The following TCP11L2 variants were observed in gnomAD, a reference collection of about 807,000 sequenced individuals.
TCP11L2 encodes the protein T-complex protein 11-like protein 2.
Under a neutral mutation model 50.7 loss-of-function variants are expected in TCP11L2, and 39 were observed. That is an observed-to-expected ratio of 0.77 (90% CI 0.60 to 1.01). The LOEUF (loss-of-function observed/expected upper bound fraction) is 1.01. Among genes scored for constraint, TCP11L2 ranks in the 50% least tolerant of loss-of-function variants. The pLI is 0.00. For synonymous variants in TCP11L2, 192 were observed against 219.3 expected (o/e 0.88, Z 1.10); for missense variants, 612 against 614.7 (o/e 1.00, Z 0.05).
chr12:106,344,574 T>G (rs982558659), intron 9 of TCP11L2, among the ~76,000 whole-genome samples: 1 of 152,218 alleles, frequency 6.6e-6, no homozygotes, highest in Non-Finnish European at 1.5e-5. Flanking sequence ...GAAAGAATTC[T>G]AAGACATAGA....
chr12:106,304,267 AG>A (rs574489896), intron 1 of TCP11L2: 1 of 152,294 alleles, frequency 6.6e-6, no homozygotes, highest in Non-Finnish European at 1.5e-5. Flanking sequence ...GTGTGGGAGG[AG>A]TGCTTTCAAA....
rs754284476 is a variant in TCP11L2 at position 106,314,486 on chromosome 12, GA to G, written c.290del (p.Lys97ArgfsTer7). On this transcript the variant is annotated frameshift_variant, in exon 3 of 10. Coordinates refer to ENST00000299045, the MANE Select transcript of TCP11L2 (RefSeq NM_152772.3). LOFTEE classifies it high-confidence loss of function. ...NFQLKQEALP[E>X]KSLAGRVKHI... ...TCAATTGAAACAAGAGGCTCTCCCA[GA>G]AAAGAGGTAACCTGGGGGCATTTGT... 1 of 1,604,388 alleles carries G rather than the reference GA, an allele frequency of 6.2e-7. No individual in the cohort carries two copies. Among genetic ancestry groups the G allele is most frequent in the Non-Finnish European group, 8.5e-7 (1 of 1,174,298 alleles).
At chr12:106,340,250 C>A (rs1167856910) in intron 8 of TCP11L2, among the ~76,000 whole-genome samples, 1 of 152,136 alleles carries the variant, frequency 6.6e-6, no homozygotes, top group African/African-American at 2.4e-5. Flanking sequence ...CTTTAATTAC[C>A]TTTACAACTT....
At chr12:106,311,382 G>A (rs892366849) in intron 2 of TCP11L2, 150 bp downstream of exon 2, 5 of 865,658 alleles carry the variant, frequency 5.8e-6, no homozygotes, top group Middle Eastern at 7.1e-4. Context: ...GCAGCTTTCC[G>A]GGACACATTC....
intron 5 of TCP11L2, 83 bp downstream of exon 5, chr12:106,321,789 A>G: frequency 8.9e-7 from 1 of 1,124,054 alleles, no homozygotes; most frequent in Non-Finnish European, 1.3e-6. Flanking sequence ...AACACAGAAT[A>G]ACAACTAGTA....
intron 1 of TCP11L2, chr12:106,303,913 T>C (rs988365839): frequency 1.3e-5 from 2 of 152,260 alleles, no homozygotes; most frequent in African/African-American, 4.8e-5. Context: ...GTTGTCCTGC[T>C]ACCTTAACTG....
chr12:106,325,214 C>T (rs1476514032), intron 6 of TCP11L2: 2 of 152,194 alleles, frequency 1.3e-5, no homozygotes, highest in East Asian at 3.8e-4. Flanking sequence ...TATAGGAGCT[C>T]ACCTAGGAAG....
In TCP11L2 at chr12:106,346,430, A is replaced by G. The variant is rs760091110; in HGVS notation, c.1460A>G (p.Asn487Ser). The change falls in exon 10 of 10, where the codon AAC (asparagine) becomes AGC (serine). Residue 487 changes from asparagine to serine, a missense_variant. Asn to Ser is a conservative substitution (Grantham distance 46). Coordinates refer to ENST00000299045, the MANE Select transcript of TCP11L2 (RefSeq NM_152772.3). ...GSQYANIVNL[N>S]KQVYGPFYAN... ...CAATATGCAAACATTGTGAATCTCA[A>G]CAAACAAGTGTATGGACCATTTTAT... 2.5e-6 allele frequency: 4 copies of G among 1,614,218 alleles called. No individual in the cohort carries two copies. The highest frequency in any genetic ancestry group is 1.1e-5 in the South Asian group (1 of 91,088).
chr12:106,329,785 C>T, intron 6 of TCP11L2: 1 of 992,012 alleles, frequency 1.0e-6, no homozygotes, highest in Non-Finnish European at 1.2e-6. Flanking sequence ...CGATGATTTC[C>T]ACTCGCGCTC....
Position 106,339,832 on chromosome 12 carries a change from G to T in TCP11L2, c.1143-994G>T, listed in dbSNP as rs182404970. On this transcript the variant is annotated intron_variant, in intron 8 of 9. Transcript: ENST00000299045. ...TTGGGTTACAGAATTCCAACGTCAG[G>T]TCCAGTGTGGGCTTATAACAAATTC... 5.6e-4 allele frequency among the ~76,000 whole-genome samples: 85 copies of T among 152,362 alleles called. 1 individual carries two copies. The highest frequency in any genetic ancestry group is 1.9e-3 in the African/African-American group (79 of 41,592).
chr12:106,334,423 T>C (rs1368271529), intron 6 of TCP11L2, among the ~76,000 whole-genome samples: 3 of 152,174 alleles, frequency 2.0e-5, no homozygotes, highest in African/African-American at 7.2e-5. Context: ...CATCCTAGAA[T>C]ACTCCTTTCC....
chr12:106,319,736 A>C (rs1056037173), intron 4 of TCP11L2, among the ~76,000 whole-genome samples: 55 of 152,240 alleles, frequency 3.6e-4, no homozygotes, highest in African/African-American at 1.3e-3. Context: ...TTATTTATTA[A>C]AAATCCAAGT....
At chr12:106,345,314 A>C (rs2036199066) in intron 9 of TCP11L2, among the ~76,000 whole-genome samples, 1 of 152,116 alleles carries the variant, frequency 6.6e-6, no homozygotes, top group Non-Finnish European at 1.5e-5. Context: ...TTTATTGTTC[A>C]ACCAGGGTAC....
Position 106,318,624 on chromosome 12 carries a change from T to C in TCP11L2, c.414+160T>C, listed in dbSNP as rs77402640. Among the ~76,000 whole-genome samples, 281 of 152,370 alleles carry C rather than the reference T, an allele frequency of 1.8e-3. 6 individuals are homozygous for C. The East Asian group carries it at 0.046, about 25-fold the overall frequency. ...TCAAAGCACCACCAGATTCGGCATC[T>C]GGTGAGGGCTCACTCCCTGATTCAT... On this transcript the variant is annotated intron_variant, in intron 4 of 9. Transcript: ENST00000299045.
intron 2 of TCP11L2, among the ~76,000 whole-genome samples, chr12:106,313,073 A>G (rs2034921911): frequency 6.6e-6 from 1 of 152,194 alleles, no homozygotes; most frequent in Non-Finnish European, 1.5e-5. Flanking sequence ...GAGAAGTAAA[A>G]TATCTGGCTT....
In TCP11L2 at chr12:106,329,590, C is replaced by T. The variant is rs1426229328; in HGVS notation, c.772+5944C>T. On this transcript the variant is annotated intron_variant, in intron 6 of 9. Transcript: ENST00000299045. ...AAATCAAAGTCTCCAGGAGCTGTGC[C>T]CATGAACTCTTTTTTTCCTTTTTAA... The T allele has an allele frequency of 6.6e-6, 9 of 1,368,164 alleles. No individual in the cohort carries two copies. The East Asian group carries it at 2.4e-4, about 37-fold the overall frequency. 84.8% of individuals were successfully genotyped at this position (1,368,164 alleles called of 1,614,324 possible).
intron 1 of TCP11L2, chr12:106,303,302 C>CA (rs2034494780): frequency 6.5e-6 from 1 of 153,046 alleles, no homozygotes; most frequent in South Asian, 2.1e-4. Context: ...CCCCTTCCCC[C>CA]ACACTCCTCG....
chr12:106,323,630 T>G lies in TCP11L2; in HGVS notation c.756T>G (p.Ile252Met), dbSNP rs1240004494. The G allele has an allele frequency of 1.9e-6, 3 of 1,600,934 alleles. No individual in the cohort carries two copies. In the South Asian group the frequency reaches 3.4e-5, roughly 18 times the overall value. ...VEYERTKFQE[I>M]LEETPSALDQ... ...ATGAGAGAACCAAGTTCCAGGAAATTTTGGAAGAAACTCCAAGTGAGTATA... is the reference window on the plus strand; with the variant it reads ...ATGAGAGAACCAAGTTCCAGGAAATGTTGGAAGAAACTCCAAGTGAGTATA... The change falls in exon 6 of 10, where the codon ATT (isoleucine) becomes ATG (methionine). Residue 252 changes from isoleucine (I) to methionine (M), a missense_variant. Coordinates refer to ENST00000299045, the MANE Select transcript of TCP11L2 (RefSeq NM_152772.3).
At chr12:106,302,425 C>CGGCCCCGCCCCCAGTGCCCTGGCA (rs1367415387), upstream of TCP11L2, among the ~76,000 whole-genome samples, 2 of 137,218 alleles carry the variant, frequency 1.5e-5, no homozygotes, top group African/African-American at 5.4e-5. Flanking sequence ...CTCCCCCACT[C>CGGCCCCGCCCCCAGTGCCCTGGCA]GGCCCCGCCC....
Sources: allele counts gnomAD v4.1 joint callset (sites outside exome capture counted in the v4.1 genomes callset), GRCh38; gene constraint gnomAD v4.1.1; transcripts MANE v1.5; gene names NCBI Gene and HGNC (gene_info 2026-07-23, HGNC 2026-07-21).